Variants in NAV3 observed in about 807,000 individuals in gnomAD.
NAV3 encodes neuron navigator 3, also known as pore membrane and/or filament interacting like protein 1.
A neutral mutation model predicts 244.7 loss-of-function variants in NAV3; 87 were observed. The observed-to-expected ratio is 0.36, with a 90% CI of 0.30 to 0.42. The LOEUF is 0.42. Among genes scored for constraint, NAV3 ranks in the 20% least tolerant of loss-of-function variants. The pLI is 1.00. For missense variants in NAV3, 2,663 were observed against 2,893.3 expected (o/e 0.92, Z 1.83); for synonymous variants, 1,126 against 1,042.2 (o/e 1.08, Z -1.55).
chr12:78,033,535 T>C (rs1162395282), intron 9 of NAV3, among the ~76,000 whole-genome samples: 3 of 152,186 alleles, frequency 2.0e-5, no homozygotes, highest in East Asian at 3.9e-4. Flanking sequence ...AACATTCATA[T>C]ATGAATGTAC....
At chr12:78,190,408 G>C (rs1290267857) in intron 34 of NAV3, among the ~76,000 whole-genome samples, 189 bp downstream of exon 34, 1 of 151,860 alleles carries the variant, frequency 6.6e-6, no homozygotes, top group Non-Finnish European at 1.5e-5. Context: ...ACTATTTTCA[G>C]TAACATTCAG....
chr12:78,016,781 T>C (rs1220773936), intron 8 of NAV3, among the ~76,000 whole-genome samples: 4 of 152,170 alleles, frequency 2.6e-5, no homozygotes, highest in Non-Finnish European at 4.4e-5. Context: ...CAAATCAGTA[T>C]GCAAACATTC....
intron 1 of NAV3, among the ~76,000 whole-genome samples, chr12:77,911,575 A>G (rs1886593915): frequency 6.6e-6 from 1 of 152,116 alleles, no homozygotes; most frequent in Non-Finnish European, 1.5e-5. Flanking sequence ...CTATATGCAA[A>G]AACATCAATT....
At chr12:78,018,490 G>T (rs566942582) in intron 8 of NAV3, among the ~76,000 whole-genome samples, 14 of 152,268 alleles carry the variant, frequency 9.2e-5, no homozygotes, top group African/African-American at 3.1e-4. Flanking sequence ...TTTCTTAGAT[G>T]GAGATAGAAT....
intron 2 of NAV3, among the ~76,000 whole-genome samples, chr12:77,693,171 GTT>G (rs1053862733): frequency 6.6e-6 from 1 of 152,008 alleles, no homozygotes; most frequent in Non-Finnish European, 1.5e-5. Context: ...AAAGAAGCAT[GTT>G]TAGCTATTTA....
chr12:77,897,989 T>A (rs10859606), intron 1 of NAV3, among the ~76,000 whole-genome samples: 56,761 of 152,078 alleles, frequency 0.37, 11,189 homozygotes, highest in East Asian at 0.46. Context: ...GTTTTCCTTT[T>A]AAGCACCTAT....
At chr12:78,101,930 A>T (rs1380479695) in intron 12 of NAV3, among the ~76,000 whole-genome samples, 1 of 152,218 alleles carries the variant, frequency 6.6e-6, no homozygotes, top group Admixed American at 6.5e-5. Flanking sequence ...AATATTTAAA[A>T]AGTATATCTC....
chr12:77,882,406 C>T (rs1462217240), intron 1 of NAV3, among the ~76,000 whole-genome samples: 2 of 152,092 alleles, frequency 1.3e-5, no homozygotes, highest in East Asian at 1.9e-4. Flanking sequence ...GGACCTTTAC[C>T]TTTCACCATA....
chr12:77,624,505 T>C (rs887508426), intron 2 of NAV3, among the ~76,000 whole-genome samples: 5 of 151,990 alleles, frequency 3.3e-5, no homozygotes, highest in African/African-American at 1.2e-4. Flanking sequence ...TTAAAAAGCC[T>C]GTGGTCTGGA....
intron 18 of NAV3, among the ~76,000 whole-genome samples, chr12:78,132,665 T>G (rs1956214041): frequency 6.6e-6 from 1 of 152,192 alleles, no homozygotes; most frequent in South Asian, 2.1e-4. Context: ...TTTACCAAGT[T>G]GTTTTTCCTG....
At chr12:78,140,190 C>A in intron 19 of NAV3, 92 bp from the exon 20 acceptor site, 1 of 1,044,942 alleles carries the variant, frequency 9.6e-7, no homozygotes, top group Non-Finnish European at 1.5e-6. Flanking sequence ...CTTAATTTCC[C>A]TAACCACCCG....
rs554824781 is a variant in NAV3 at position 78,031,885 on chromosome 12, T to TA, written c.2023+10030dup. ...ATGTACCCTAAAACTTAAAGTATAA[T>TA]AAAAAAATAATAATAATAAAAAAAA... On this transcript the variant is annotated intron_variant, in intron 9 of 39. Transcript: ENST00000397909. Among the ~76,000 whole-genome samples, 825 of 151,098 alleles carry TA rather than the reference T, an allele frequency of 5.5e-3. 12 individuals carry two copies. The highest frequency in any genetic ancestry group is 0.019 in the African/African-American group (782 of 41,116).
At position 77,595,763 on chromosome 12, in the gene NAV3, A is replaced by G. The variant is rs908468657; in HGVS notation, c.72+23497A>G. 2.4e-4 allele frequency among the ~76,000 whole-genome samples: 36 copies of G among 152,304 alleles called. 1 individual carries two copies. The highest frequency in any genetic ancestry group is 8.4e-4 in the African/African-American group (35 of 41,582). On this transcript the variant is annotated intron_variant, in intron 2 of 8. Coordinates refer to the NAV3 transcript ENST00000550042. ...TATTGAGCAAATACCTTCATAATTTATACTTATTTTGCCACAGTTTATAGT... is the reference window on the plus strand; with the variant it reads ...TATTGAGCAAATACCTTCATAATTTGTACTTATTTTGCCACAGTTTATAGT...
intron 11 of NAV3, among the ~76,000 whole-genome samples, chr12:78,056,750 C>T (rs531424224): frequency 9.2e-5 from 14 of 151,938 alleles, no homozygotes; most frequent in Admixed American, 2.6e-4. Flanking sequence ...ATTTATGCTA[C>T]GAGTCATGAA....
chr12:77,832,627 T>C (rs1873915876), intron 1 of NAV3, among the ~76,000 whole-genome samples: 1 of 152,218 alleles, frequency 6.6e-6, no homozygotes, highest in South Asian at 2.1e-4. Flanking sequence ...TGTCTTTGTG[T>C]TGCAAACATT....
chr12:78,135,697 C>T (rs1956344073), intron 18 of NAV3, among the ~76,000 whole-genome samples: 1 of 152,148 alleles, frequency 6.6e-6, no homozygotes, highest in Non-Finnish European at 1.5e-5. Flanking sequence ...TTTAAGTCTT[C>T]AATGTCCTAC....
chr12:77,604,622 T>C (rs950405886), intron 2 of NAV3, among the ~76,000 whole-genome samples: 7 of 151,994 alleles, frequency 4.6e-5, no homozygotes, highest in Non-Finnish European at 1.0e-4. Flanking sequence ...GCAGTTGAGA[T>C]ACAAATTGGG....
At position 78,148,305 on chromosome 12, in the gene NAV3, C is replaced by T. The variant is rs1168867025; in HGVS notation, c.4708-537C>T. ...CAGCCAATAACAATTTAAATGTGAA[C>T]TGATTAAATGTTGAATTAAGCCCAA... On this transcript the variant is annotated intron_variant, in intron 21 of 39. Transcript: ENST00000397909. Among the ~76,000 whole-genome samples, 3 of 151,978 alleles carry T rather than the reference C, an allele frequency of 2.0e-5. No individual in the cohort carries two copies. In the East Asian group the frequency reaches 5.8e-4, roughly 29 times the overall value.
intron 2 of NAV3, among the ~76,000 whole-genome samples, chr12:77,703,198 T>C (rs1875638339): frequency 6.6e-6 from 1 of 152,034 alleles, no homozygotes; most frequent in African/African-American, 2.4e-5. Context: ...CCTTTTCCCT[T>C]TCTACTCCTG....
Sources: allele counts gnomAD v4.1 joint callset (sites outside exome capture counted in the v4.1 genomes callset), GRCh38; gene constraint gnomAD v4.1.1; transcripts MANE v1.5; gene names NCBI Gene and HGNC (gene_info 2026-07-23, HGNC 2026-07-21).